Variants in AHCY observed in about 807,000 individuals in gnomAD.
AHCY encodes the protein S-adenosyl-L-homocysteine hydrolase.
In AHCY, 24 loss-of-function variants were observed where a neutral mutation model predicts 45.4. The observed-to-expected ratio is 0.53, with a 90% CI of 0.38 to 0.74. The LOEUF is 0.74. Among genes scored for constraint, AHCY ranks in the 30% least tolerant of loss-of-function variants. The pLI is 0.00. For synonymous variants in AHCY, 245 were observed against 235.1 expected (o/e 1.04, Z -0.39); for missense variants, 449 against 594.1 (o/e 0.76, Z 2.54).
chr20:34,300,075 C>T (rs1442832484), intron 1 of AHCY, among the ~76,000 whole-genome samples: 1 of 152,148 alleles, frequency 6.6e-6, no homozygotes, highest in East Asian at 1.9e-4. Flanking sequence ...ATCCCACCTA[C>T]TCAGGAGGCT....
downstream of AHCY, among the ~76,000 whole-genome samples, chr20:34,278,861 C>A (rs1431697904): frequency 6.6e-6 from 1 of 152,020 alleles, no homozygotes; most frequent in African/African-American, 2.4e-5. Context: ...GTAATCCCAG[C>A]ACTTTGGGAA....
the AHCY span, among the ~76,000 whole-genome samples, chr20:34,268,811 A>T: frequency 3.3e-5 from 5 of 151,806 alleles, no homozygotes; most frequent in African/African-American, 1.2e-4. Context: ...AGAGCCAGGT[A>T]AGTCTGGATG....
the AHCY span, among the ~76,000 whole-genome samples, chr20:34,255,869 C>T: frequency 1.3e-5 from 2 of 152,184 alleles, no homozygotes; most frequent in South Asian, 4.1e-4. Context: ...GCACCGGTTA[C>T]TTAGCAGACC....
chr20:34,235,893 G>GCGGGAGGGAGGGAA, the AHCY span, among the ~76,000 whole-genome samples: 7 of 92,018 alleles, frequency 7.6e-5, 1 homozygote, highest in African/African-American at 4.1e-4. Context: ...AAGGAAGGAA[G>GCGGGAGGGAGGGAA]GAAGGAAAGG....
chr20:34,303,442 G>C, upstream of AHCY: 6 of 913,036 alleles, frequency 6.6e-6, no homozygotes. Flanking sequence ...CGCGCAGGGC[G>C]GAGCCGGAGG....
chr20:34,310,415 A>G (rs1294333097), intron 1 of AHCY, among the ~76,000 whole-genome samples: 4 of 152,260 alleles, frequency 2.6e-5, no homozygotes, highest in African/African-American at 7.2e-5. Context: ...CAGTTTAATA[A>G]CATACTATTG....
the AHCY span, among the ~76,000 whole-genome samples, chr20:34,245,349 A>AG: frequency 1.7e-4 from 26 of 150,826 alleles, no homozygotes; most frequent in Admixed American, 9.2e-4. Flanking sequence ...AAAAAAAAAA[A>AG]AGAGAGAGAG....
At chr20:34,256,604 C>T in the AHCY span, among the ~76,000 whole-genome samples, 2 of 151,976 alleles carry the variant, frequency 1.3e-5, no homozygotes, top group African/African-American at 4.8e-5. Context: ...TGCCTGGCCT[C>T]TTTTTCTAGC....
At chr20:34,260,765 G>T in the AHCY span, among the ~76,000 whole-genome samples, 40 of 152,376 alleles carry the variant, frequency 2.6e-4, no homozygotes, top group African/African-American at 9.4e-4. Flanking sequence ...TGAAAGGCCT[G>T]AAGTTAAGAC....
chr20:34,235,888 A>G, the AHCY span, among the ~76,000 whole-genome samples: 9 of 94,382 alleles, frequency 9.5e-5, no homozygotes, highest in Non-Finnish European at 1.5e-4. Flanking sequence ...GAAGGAAGGA[A>G]GGAAGGAAGG....
the AHCY span, among the ~76,000 whole-genome samples, chr20:34,244,403 C>A: frequency 9.9e-5 from 15 of 152,088 alleles, no homozygotes; most frequent in African/African-American, 3.6e-4. Context: ...GAATAAGAAC[C>A]TCTAGCCTCT....
the AHCY span, among the ~76,000 whole-genome samples, chr20:34,258,673 C>CTATATATATATATATATATATA: frequency 4.3e-4 from 2 of 4,606 alleles, no homozygotes; most frequent in Admixed American, 5.7e-3. Flanking sequence ...AAGGGGGATG[C>CTATATATATATATATATATATA]CATATATATA....
At chr20:34,262,771 T>G in the AHCY span, 48 of 1,597,026 alleles carry the variant, frequency 3.0e-5, no homozygotes, top group South Asian at 5.3e-4. Flanking sequence ...CCCCTCTCAC[T>G]TCACTGCAGC....
the AHCY span, among the ~76,000 whole-genome samples, chr20:34,273,999 T>C: frequency 3.3e-5 from 5 of 152,166 alleles, no homozygotes; most frequent in East Asian, 5.8e-4. Context: ...AATGATGATA[T>C]TGACAATTAT....
At chr20:34,232,792 T>C in the AHCY span, among the ~76,000 whole-genome samples, 1 of 152,246 alleles carries the variant, frequency 6.6e-6, no homozygotes, top group Non-Finnish European at 1.5e-5. Flanking sequence ...TGTCAGGCCA[T>C]GTCCACATGA....
At chr20:34,239,039 T>A in the AHCY span, among the ~76,000 whole-genome samples, 2 of 152,196 alleles carry the variant, frequency 1.3e-5, no homozygotes, top group East Asian at 3.9e-4. Flanking sequence ...CTTTCCTGGC[T>A]AATTATTTCT....
At position 34,303,341 on chromosome 20, in the gene AHCY, C is replaced by T. The variant is rs2036848660; in HGVS notation, c.-71G>A. 1 of 1,544,972 alleles carries T rather than the reference C, an allele frequency of 6.5e-7. No homozygotes were observed. The highest frequency in any genetic ancestry group is 8.8e-7 in the Non-Finnish European group (1 of 1,140,914). The stretch of plus-strand genomic sequence containing the variant: ...AGTCTGGGAACAGGAACTGGGCGGG[C>T]AGCGCCGAGCAGGGATATGCGCGTG... On this transcript the variant is annotated 5_prime_UTR_variant, in exon 1 of 10. Coordinates refer to ENST00000217426, the MANE Select transcript of AHCY (RefSeq NM_000687.4).
At chr20:34,303,011 G>A (rs1280667031) in intron 1 of AHCY, 1 of 985,404 alleles carries the variant, frequency 1.0e-6, no homozygotes, top group Non-Finnish European at 1.2e-6. Flanking sequence ...CCGCGCGGCG[G>A]CCCCGGCGTC....
chr20:34,265,392 T>C, the AHCY span, among the ~76,000 whole-genome samples: 6 of 152,048 alleles, frequency 3.9e-5, no homozygotes, highest in African/African-American at 1.4e-4. Context: ...GGTGTGGTGG[T>C]GTGCTCCTGT....
Sources: gnomAD v4.1 joint callset for allele counts (sites outside exome capture counted in the v4.1 genomes callset) on GRCh38, gnomAD v4.1.1 for gene constraint, MANE v1.5 for transcripts, NCBI Gene and HGNC (gene_info 2026-07-23, HGNC 2026-07-21) for gene names.